GATA4: variants seen among roughly 807,000 people sequenced by gnomAD.
The protein encoded by GATA4 is transcription factor GATA-4.
A neutral mutation model predicts 37.9 loss-of-function variants in GATA4; 7 were observed. The observed-to-expected ratio is 0.18, with a 90% CI of 0.11 to 0.35. GATA4 has a LOEUF of 0.35. GATA4 is among the 10% of genes least tolerant of loss of function. The pLI, the probability that GATA4 is intolerant of heterozygous loss-of-function variation, is 1.00. For synonymous variants in GATA4, 372 were observed against 292.6 expected (o/e 1.27, Z -2.77); for missense variants, 647 against 653.0 (o/e 0.99, Z 0.10).
At chr8:11,732,404 A>T (rs748400394) in intron 2 of GATA4, among the ~76,000 whole-genome samples, 3 of 152,230 alleles carry the variant, frequency 2.0e-5, no homozygotes, top group Non-Finnish European at 2.9e-5. Flanking sequence ...CCTATTGCAG[A>T]GAAGCTCCGT....
chr8:11,712,420 C>G (rs1800229002), intron 2 of GATA4, among the ~76,000 whole-genome samples: 1 of 152,164 alleles, frequency 6.6e-6, no homozygotes, highest in Non-Finnish European at 1.5e-5. Context: ...TCATTCTTCC[C>G]TCTGCTGAGA....
intron 2 of GATA4, among the ~76,000 whole-genome samples, chr8:11,733,435 G>C (rs1056770994): frequency 6.6e-6 from 1 of 152,234 alleles, no homozygotes; most frequent in Non-Finnish European, 1.5e-5. Context: ...CTAAAGCAGT[G>C]ATGTTCATTG....
At chr8:11,746,899 T>C (rs1177479331) in intron 2 of GATA4, among the ~76,000 whole-genome samples, 8 of 152,250 alleles carry the variant, frequency 5.3e-5, no homozygotes, top group Non-Finnish European at 1.0e-4. Flanking sequence ...GTTTACTTGG[T>C]GTGGACACAC....
intron 1 of GATA4, among the ~76,000 whole-genome samples, chr8:11,704,645 C>T (rs1799812032): frequency 6.6e-6 from 1 of 152,236 alleles, no homozygotes; most frequent in Admixed American, 6.5e-5. Context: ...GTGATGGTGG[C>T]CGCGTGAAGT....
chr8:11,708,572 CG>C lies in GATA4; in HGVS notation c.263del (p.Gly88AspfsTer119). 7.3e-7 allele frequency: 1 copy of C among 1,369,908 alleles called. No individual in the cohort carries two copies. The highest frequency in any genetic ancestry group is 1.5e-5 in the African/African-American group (1 of 65,736). 84.9% of individuals were successfully genotyped at this position (1,369,908 alleles called of 1,614,324 possible). The part of the protein sequence containing the change: ...GAGPGTQQGS[P>X]GWSQAGADGA... ...GGGCCCGGGACCCAGCAGGGCAGCCCGGGATGGAGCCAGGCGGGAGCCGACG... is the reference window on the plus strand; with the variant it reads ...GGGCCCGGGACCCAGCAGGGCAGCCCGGATGGAGCCAGGCGGGAGCCGACG... On this transcript the variant is annotated frameshift_variant, in exon 2 of 7. Transcript: ENST00000532059. LOFTEE classifies it high-confidence loss of function. The surrounding 1 kb of genome is among the most constrained non-coding windows in gnomAD (Gnocchi z 6.7).
At chr8:11,680,822 C>A in intron 1 of GATA4, 1 of 985,394 alleles carries the variant, frequency 1.0e-6, no homozygotes, top group Non-Finnish European at 1.2e-6. Flanking sequence ...GCCTCGGTCC[C>A]CACGCTCTGG....
chr8:11,728,821 A>C (rs1801066906), intron 2 of GATA4, among the ~76,000 whole-genome samples: 1 of 152,224 alleles, frequency 6.6e-6, no homozygotes, highest in South Asian at 2.1e-4. Context: ...ATTAATCTAC[A>C]TTTAGGTCAT....
intron 1 of GATA4, chr8:11,680,428 C>T (rs1798920339): frequency 1.0e-6 from 1 of 966,330 alleles, no homozygotes; most frequent in South Asian, 4.8e-5. Flanking sequence ...CTGAGGAGCT[C>T]CCTCTCATCG....
At chr8:11,693,522 A>AACACACAC (rs140439542) in intron 1 of GATA4, among the ~76,000 whole-genome samples, 36 of 110,020 alleles carry the variant, frequency 3.3e-4, no homozygotes, top group African/African-American at 1.2e-3. Context: ...ATTCAGCACA[A>AACACACAC]ACACACACAC....
chr8:11,744,551 G>A (rs529353320), intron 2 of GATA4, among the ~76,000 whole-genome samples: 4 of 152,312 alleles, frequency 2.6e-5, no homozygotes, highest in South Asian at 2.1e-4. Context: ...GGTGCTTACC[G>A]AGGTTCATAC....
intron 2 of GATA4, among the ~76,000 whole-genome samples, chr8:11,733,835 T>C (rs1585650703): frequency 1.3e-5 from 2 of 152,342 alleles, no homozygotes; most frequent in Non-Finnish European, 2.9e-5. Flanking sequence ...GACACAGGCT[T>C]GGCTATGAGA....
At chr8:11,757,216 A>G in intron 6 of GATA4, 133 bp downstream of exon 6, 1 of 1,343,672 alleles carries the variant, frequency 7.4e-7, no homozygotes, top group South Asian at 1.4e-5. Context: ...CCTCTGCGCT[A>G]GGAAGACCCA....
intron 2 of GATA4, among the ~76,000 whole-genome samples, chr8:11,725,804 C>T (rs1408684491): frequency 6.6e-6 from 1 of 152,198 alleles, no homozygotes; most frequent in African/African-American, 2.4e-5. Context: ...AAGAGGGAAG[C>T]AGAAGGTGCA....
chr8:11,696,985 G>GC (rs1266369212), intron 1 of GATA4, among the ~76,000 whole-genome samples: 1 of 152,214 alleles, frequency 6.6e-6, no homozygotes, highest in Non-Finnish European at 1.5e-5. Flanking sequence ...ACTGGCGGAG[G>GC]CCCCCCGGGG....
intron 1 of GATA4, among the ~76,000 whole-genome samples, chr8:11,693,558 CACACAGAGAG>C (rs1181930970): frequency 4.5e-3 from 370 of 82,352 alleles, no homozygotes; most frequent in South Asian, 0.032. Flanking sequence ...CACACACACA[CACACAGAGAG>C]AGAGAGAGAG....
At chr8:11,728,991 G>T (rs140611981) in intron 2 of GATA4, among the ~76,000 whole-genome samples, 1 of 152,154 alleles carries the variant, frequency 6.6e-6, no homozygotes, top group Admixed American at 6.5e-5. Flanking sequence ...CCAGTACTTC[G>T]GGAGGTCGAG....
At position 11,756,964 on chromosome 8, in the gene GATA4, G is replaced by T; in HGVS notation, c.1030G>T (p.Ala344Ser). Residue 344 changes from alanine (A) to serine (S), a missense_variant, in exon 6 of 7, where the codon GCC (alanine) becomes TCC (serine). Physicochemically the swap from Ala to Ser is moderately conservative, Grantham distance 99 (BLOSUM62 1). Coordinates refer to ENST00000532059, the MANE Select transcript of GATA4 (RefSeq NM_001308093.3). ...APSGSESLPP[A>S]SGASSNSSNA... ...TTCAGGCAGTGAGAGCCTTCCTCCC[G>T]CCAGCGGTGCTTCCAGCAACTCCAG... 3 of 1,614,186 alleles carry T rather than the reference G, an allele frequency of 1.9e-6. No individual in the cohort carries two copies. Among genetic ancestry groups the T allele is most frequent in the South Asian group, 1.1e-5 (1 of 91,078 alleles).
At chr8:11,722,959 G>A (rs1800742786) in intron 2 of GATA4, among the ~76,000 whole-genome samples, 2 of 152,132 alleles carry the variant, frequency 1.3e-5, no homozygotes, top group Admixed American at 1.3e-4. Context: ...TGCTACAGTC[G>A]CTTTACTTTT....
chr8:11,697,711 T>G (rs566825052), intron 1 of GATA4: 106 of 985,456 alleles, frequency 1.1e-4, no homozygotes, highest in Admixed American at 4.3e-4. Flanking sequence ...GGCTTCGCGC[T>G]TCCTTGACAC....
Sources: gnomAD v4.1 joint callset for allele counts (sites outside exome capture counted in the v4.1 genomes callset) on GRCh38, gnomAD v4.1.1 for gene constraint, Gnocchi (gnomAD v3.1) non-coding constraint, MANE v1.5 for transcripts, NCBI Gene and HGNC (gene_info 2026-07-23, HGNC 2026-07-21) for gene names.